The following PDE4D variants were observed in gnomAD, a reference collection of about 807,000 sequenced individuals.
PDE4D encodes the protein phosphodiesterase 4D.
PDE4D carries 24 observed loss-of-function variants against 87.4 expected under a neutral mutation model. The ratio of observed to expected loss-of-function variants is 0.27; its 90% CI spans 0.20 to 0.39. The LOEUF (loss-of-function observed/expected upper bound fraction) is 0.39, where lower values mean the gene tolerates loss of function less well. Among genes scored for constraint, PDE4D ranks in the 10% least tolerant of loss-of-function variants. The pLI, the probability that PDE4D is intolerant of heterozygous loss-of-function variation, is 1.00. For missense variants in PDE4D, 714 were observed against 1,041.0 expected (o/e 0.69, Z 4.32); for synonymous variants, 384 against 383.2 (o/e 1.00, Z -0.02).
chr5:60,109,543 T>C (rs557471830), intron 2 of PDE4D, among the ~76,000 whole-genome samples: 2 of 151,822 alleles, frequency 1.3e-5, no homozygotes, highest in South Asian at 2.1e-4. Context: ...ATCATGCTGC[T>C]ATAAAGACAC....
chr5:59,887,778 G>C lies in PDE4D; in HGVS notation c.455+5390C>G, dbSNP rs561657816. ...GTGTGTAAATGTATCCAAATTGAAA[G>C]TGAAAGAATGTTTGTTTTCTGAAGT... On this transcript the variant is annotated intron_variant, in intron 1 of 14. Transcript: ENST00000340635. 8.5e-5 allele frequency among the ~76,000 whole-genome samples: 13 copies of C among 152,170 alleles called. No individual in the cohort carries two copies. The East Asian group carries it at 2.5e-3, about 29-fold the overall frequency.
chr5:60,039,990 A>G (rs1033814256), intron 2 of PDE4D, among the ~76,000 whole-genome samples: 2 of 152,238 alleles, frequency 1.3e-5, no homozygotes, highest in Admixed American at 6.5e-5. Flanking sequence ...TCATTCATTT[A>G]GAAATATATT....
intron 1 of PDE4D, among the ~76,000 whole-genome samples, chr5:59,862,432 A>T (rs1010950646): frequency 6.6e-6 from 1 of 152,178 alleles, no homozygotes; most frequent in Non-Finnish European, 1.5e-5. Flanking sequence ...GTACAAATTC[A>T]TGTATTGTGT....
chr5:59,452,305 C>A (rs905912386), intron 1 of PDE4D, among the ~76,000 whole-genome samples: 1 of 152,194 alleles, frequency 6.6e-6, no homozygotes, highest in African/African-American at 2.4e-5. Context: ...CCTATCAAGG[C>A]TTTATCAAAC....
chr5:60,319,296 A>G (rs1755964810), intron 1 of PDE4D, among the ~76,000 whole-genome samples: 1 of 152,078 alleles, frequency 6.6e-6, no homozygotes, highest in South Asian at 2.1e-4. Flanking sequence ...AGGCTTGTGC[A>G]TTGGTCACGT....
At chr5:59,531,075 T>C (rs896152833) in intron 1 of PDE4D, among the ~76,000 whole-genome samples, 5 of 152,244 alleles carry the variant, frequency 3.3e-5, no homozygotes, top group African/African-American at 1.2e-4. Flanking sequence ...TGTTTGCTTA[T>C]AGAAAAATAA....
chr5:59,349,444 C>T (rs1780151382), intron 1 of PDE4D, among the ~76,000 whole-genome samples: 1 of 152,050 alleles, frequency 6.6e-6, no homozygotes, highest in Admixed American at 6.6e-5. Context: ...ATTTGCTCTG[C>T]CCAGATCAGA....
At chr5:60,210,128 T>C (rs1002764105) in intron 1 of PDE4D, among the ~76,000 whole-genome samples, 2 of 152,142 alleles carry the variant, frequency 1.3e-5, no homozygotes, top group Non-Finnish European at 1.5e-5. Context: ...TACTGCCAGT[T>C]TCCTTAACTA....
chr5:59,414,279 C>A (rs1474259705), intron 1 of PDE4D, among the ~76,000 whole-genome samples: 1 of 152,178 alleles, frequency 6.6e-6, no homozygotes, highest in Non-Finnish European at 1.5e-5. Context: ...TGGCGGAAAA[C>A]AGAAGAAACA....
chr5:60,147,319 G>A (rs913817872), intron 2 of PDE4D, among the ~76,000 whole-genome samples: 1 of 152,156 alleles, frequency 6.6e-6, no homozygotes, highest in Non-Finnish European at 1.5e-5. Flanking sequence ...CAGACAGGTC[G>A]TTAGGCTGCT....
chr5:58,992,646 A>G (rs1748182778), intron 7 of PDE4D, among the ~76,000 whole-genome samples: 1 of 152,190 alleles, frequency 6.6e-6, no homozygotes, highest in African/African-American at 2.4e-5. Context: ...GAATACGTAC[A>G]TAAGCTAATT....
At chr5:60,014,986 T>C (rs1363936164) in intron 2 of PDE4D, among the ~76,000 whole-genome samples, 1 of 152,196 alleles carries the variant, frequency 6.6e-6, no homozygotes, top group Non-Finnish European at 1.5e-5. Context: ...TGTTCCCAGC[T>C]GGATCTCAGA....
chr5:59,228,290 A>C (rs1754295289), intron 1 of PDE4D, among the ~76,000 whole-genome samples: 1 of 152,128 alleles, frequency 6.6e-6, no homozygotes, highest in Admixed American at 6.5e-5. Flanking sequence ...GATCAGAAAA[A>C]AAATACTAAC....
At chr5:60,505,668 A>G (rs1750289488) in intron 1 of PDE4D, among the ~76,000 whole-genome samples, 1 of 152,238 alleles carries the variant, frequency 6.6e-6, no homozygotes, top group Admixed American at 6.5e-5. Flanking sequence ...TTATGGAAAT[A>G]AAATAAGCAT....
At chr5:59,429,798 C>T (rs1254560420) in intron 1 of PDE4D, among the ~76,000 whole-genome samples, 1 of 152,134 alleles carries the variant, frequency 6.6e-6, no homozygotes, top group East Asian at 1.9e-4. Flanking sequence ...TCTAAAATGA[C>T]AACTTTTTTA....
At chr5:59,592,576 A>AT (rs1170342813) in intron 1 of PDE4D, among the ~76,000 whole-genome samples, 5 of 152,308 alleles carry the variant, frequency 3.3e-5, no homozygotes, top group Admixed American at 3.3e-4. Flanking sequence ...TCAAGGTTAA[A>AT]TCTTCTAATC....
intron 1 of PDE4D, among the ~76,000 whole-genome samples, chr5:60,475,823 G>GAAAAAAAAAAAA (rs397792795): frequency 3.2e-5 from 3 of 95,064 alleles, no homozygotes; most frequent in Non-Finnish European, 4.4e-5. Context: ...TCTGTTAAAT[G>GAAAAAAAAAAAA]AAAAAAAAAA....
chr5:59,091,124 C>T (rs1382572241), intron 5 of PDE4D: 3 of 452,886 alleles, frequency 6.6e-6, no homozygotes, highest in Non-Finnish European at 8.9e-6. Context: ...CATTATAGAG[C>T]CCTGTCATTT....
chr5:59,731,944 C>T (rs982423788), intron 1 of PDE4D, among the ~76,000 whole-genome samples: 5 of 152,110 alleles, frequency 3.3e-5, no homozygotes, highest in Non-Finnish European at 7.4e-5. Context: ...CACCAGTTGT[C>T]ATGCTAATGT....
Sources: gnomAD v4.1 joint callset for allele counts (sites outside exome capture counted in the v4.1 genomes callset) on GRCh38, gnomAD v4.1.1 for gene constraint, MANE v1.5 for transcripts, NCBI Gene and HGNC (gene_info 2026-07-23, HGNC 2026-07-21) for gene names.